Variants in LRRC4C observed in about 807,000 individuals in gnomAD.
LRRC4C encodes leucine rich repeat containing 4C.
In LRRC4C, 5 loss-of-function variants were observed where a neutral mutation model predicts 33.6. The ratio of observed to expected loss-of-function variants is 0.15; its 90% CI spans 0.08 to 0.31. The LOEUF is 0.31. Among genes scored for constraint, LRRC4C ranks in the 10% least tolerant of loss-of-function variants. The pLI, the probability that LRRC4C is intolerant of heterozygous loss-of-function variation, is 1.00. For missense variants in LRRC4C, 560 were observed against 796.7 expected, an observed-to-expected ratio of 0.70 and a Z score of 3.58; for synonymous variants, 329 against 302.0, an observed-to-expected ratio of 1.09 and a Z score of -0.93.
At chr11:40,843,154 A>G (rs1409225227) in intron 2 of LRRC4C, among the ~76,000 whole-genome samples, 1 of 152,158 alleles carries the variant, frequency 6.6e-6, no homozygotes, top group Non-Finnish European at 1.5e-5. Context: ...GGATAGTGCA[A>G]TAGCCACATT....
At chr11:40,763,890 G>A (rs868006779) in intron 2 of LRRC4C, among the ~76,000 whole-genome samples, 2 of 152,138 alleles carry the variant, frequency 1.3e-5, no homozygotes, top group Non-Finnish European at 2.9e-5. Context: ...TATGCCACAG[G>A]GCTGCAATTC....
intron 2 of LRRC4C, among the ~76,000 whole-genome samples, chr11:40,832,215 C>T (rs372221707): frequency 5.9e-5 from 9 of 152,078 alleles, no homozygotes; most frequent in African/African-American, 2.2e-4. Flanking sequence ...TTCATCTAAA[C>T]ATATCTAAAC....
chr11:41,344,498 G>A (rs1951742647), intron 1 of LRRC4C, among the ~76,000 whole-genome samples: 2 of 152,304 alleles, frequency 1.3e-5, no homozygotes, highest in South Asian at 4.1e-4. Context: ...GGGATTACAG[G>A]CGTGAGCCAC....
chr11:40,591,845 C>T (rs1392451745), intron 3 of LRRC4C, among the ~76,000 whole-genome samples: 1 of 152,136 alleles, frequency 6.6e-6, no homozygotes, highest in Non-Finnish European at 1.5e-5. Context: ...CAGAAGCATC[C>T]AACTGACTTA....
chr11:40,984,401 AAG>A (rs755902682), intron 1 of LRRC4C, among the ~76,000 whole-genome samples: 13 of 88,460 alleles, frequency 1.5e-4, no homozygotes, highest in Non-Finnish European at 3.4e-4. Flanking sequence ...GAAAGAAAGA[AAG>A]AAAGAAAGAA....
chr11:40,706,848 A>G (rs1946192927), intron 2 of LRRC4C, among the ~76,000 whole-genome samples: 1 of 152,152 alleles, frequency 6.6e-6, no homozygotes, highest in Non-Finnish European at 1.5e-5. Flanking sequence ...CGAGCATGGA[A>G]TGTTCTTCCA....
intron 3 of LRRC4C, among the ~76,000 whole-genome samples, chr11:40,642,516 C>T (rs1390052069): frequency 1.3e-5 from 2 of 152,148 alleles, no homozygotes; most frequent in Non-Finnish European, 2.9e-5. Context: ...GAACAAGACA[C>T]TGCCTTGCTC....
intron 1 of LRRC4C, among the ~76,000 whole-genome samples, chr11:41,356,569 T>A (rs1284149186): frequency 6.6e-6 from 1 of 152,134 alleles, no homozygotes; most frequent in Non-Finnish European, 1.5e-5. Context: ...ACATTTTGGA[T>A]CGTGGACTTC....
intron 1 of LRRC4C, among the ~76,000 whole-genome samples, chr11:40,942,152 G>C (rs982935354): frequency 1.4e-4 from 21 of 152,046 alleles, no homozygotes; most frequent in Non-Finnish European, 2.4e-4. Context: ...CTAGCCAATG[G>C]GGCATCCTTG....
chr11:41,066,386 G>A (rs568551824), intron 1 of LRRC4C, among the ~76,000 whole-genome samples: 6 of 152,138 alleles, frequency 3.9e-5, no homozygotes, highest in East Asian at 3.9e-4. Context: ...GAAAAAGAAT[G>A]GACAAAACCT....
At position 40,836,880 on chromosome 11, in the gene LRRC4C, T is replaced by C. The variant is rs192524725; in HGVS notation, c.-407+96755A>G. On this transcript the variant is annotated intron_variant, in intron 2 of 6. Coordinates refer to ENST00000528697, the MANE Select transcript of LRRC4C (RefSeq NM_001258419.2). ...TATTACCTCATCCACCATTATCATC[T>C]TTATTATCATGTCACCTCCGTATCT... Among the ~76,000 whole-genome samples the C allele has an allele frequency of 5.9e-5, 9 of 152,290 alleles. No homozygotes were observed. In the East Asian group the frequency reaches 1.2e-3, roughly 20 times the overall value.
intron 3 of LRRC4C, among the ~76,000 whole-genome samples, chr11:40,468,754 A>G (rs545399045): frequency 1.3e-5 from 2 of 152,188 alleles, no homozygotes; most frequent in South Asian, 4.1e-4. Flanking sequence ...TACAAGTCAA[A>G]CTAAGTATTA....
intron 3 of LRRC4C, among the ~76,000 whole-genome samples, chr11:40,465,089 G>T (rs911278122): frequency 1.3e-5 from 2 of 152,002 alleles, no homozygotes; most frequent in South Asian, 4.1e-4. Context: ...AACTAAAACA[G>T]CATGGTATGA....
intron 2 of LRRC4C, among the ~76,000 whole-genome samples, chr11:40,878,965 G>A (rs1955043115): frequency 6.6e-6 from 1 of 152,158 alleles, no homozygotes; most frequent in Non-Finnish European, 1.5e-5. Context: ...GCCTCACATA[G>A]TTCCATACAG....
intron 4 of LRRC4C, among the ~76,000 whole-genome samples, chr11:40,248,641 T>G (rs564028467): frequency 1.3e-5 from 2 of 152,238 alleles, no homozygotes; most frequent in African/African-American, 4.8e-5. Flanking sequence ...AGTTTGAGGC[T>G]GCAGTGAGCT....
intron 3 of LRRC4C, among the ~76,000 whole-genome samples, chr11:40,579,319 C>T (rs1312351483): frequency 3.0e-5 from 4 of 133,072 alleles, no homozygotes; most frequent in African/African-American, 1.2e-4. Context: ...GAGTGAGACT[C>T]TGTTAAAAAA....
At chr11:40,353,519 C>G (rs936544602) in intron 3 of LRRC4C, among the ~76,000 whole-genome samples, 1 of 152,034 alleles carries the variant, frequency 6.6e-6, no homozygotes. Flanking sequence ...AAGTTTGAGA[C>G]CATCCTGGCC....
intron 3 of LRRC4C, among the ~76,000 whole-genome samples, chr11:40,328,570 A>G (rs1946204037): frequency 6.6e-6 from 1 of 152,230 alleles, no homozygotes; most frequent in Non-Finnish European, 1.5e-5. Context: ...AGACAAGAAT[A>G]GTCAACCATT....
chr11:40,745,502 G>C (rs1454006665), intron 2 of LRRC4C, among the ~76,000 whole-genome samples: 4 of 152,112 alleles, frequency 2.6e-5, no homozygotes, highest in Non-Finnish European at 2.9e-5. Context: ...AGTAATAAGG[G>C]CTAGATTTAA....
Sources: gnomAD v4.1 joint callset for allele counts (sites outside exome capture counted in the v4.1 genomes callset) on GRCh38, gnomAD v4.1.1 for gene constraint, MANE v1.5 for transcripts, NCBI Gene and HGNC (gene_info 2026-07-23, HGNC 2026-07-21) for gene names.